Variants in DOCK4 observed in about 807,000 individuals in gnomAD.
The protein encoded by DOCK4 is dedicator of cytokinesis protein 4.
In DOCK4, 97 loss-of-function variants were observed where a neutral mutation model predicts 268.1. The ratio of observed to expected loss-of-function variants is 0.36; its 90% CI spans 0.31 to 0.43. DOCK4 has a LOEUF of 0.43. Ranked by LOEUF, DOCK4 falls within the 20% of genes least tolerant of loss-of-function variation. The probability of loss-of-function intolerance (pLI) is 1.00; values close to 1 mark genes in which losing one functional copy is unlikely to be tolerated. For missense variants in DOCK4, 2,145 were observed against 2,455.7 expected (o/e 0.87, Z 2.67); for synonymous variants, 954 against 887.2 (o/e 1.08, Z -1.34).
chr7:111,794,622 C>A (rs775315105), intron 30 of DOCK4, among the ~76,000 whole-genome samples: 1 of 149,492 alleles, frequency 6.7e-6, no homozygotes, highest in South Asian at 2.1e-4. Flanking sequence ...TTAATAACAT[C>A]TGTTACTTGT....
At chr7:111,765,331 G>A (rs907849612) in intron 38 of DOCK4, 109 bp from the exon 39 acceptor site, 28 of 714,780 alleles carry the variant, frequency 3.9e-5, no homozygotes, top group Non-Finnish European at 5.9e-5. Flanking sequence ...TTTTAATTGA[G>A]TTTGCTGGAA....
chr7:111,974,916 A>G (rs1227033092), intron 8 of DOCK4, among the ~76,000 whole-genome samples: 2 of 152,240 alleles, frequency 1.3e-5, no homozygotes, highest in Non-Finnish European at 2.9e-5. Context: ...CCAAATTAGT[A>G]CAATCCTATG....
intron 1 of DOCK4, among the ~76,000 whole-genome samples, chr7:112,204,622 A>G (rs1821216299): frequency 6.6e-6 from 1 of 152,030 alleles, no homozygotes; most frequent in Admixed American, 6.5e-5. Context: ...AGGTCAAACT[A>G]TTGTCTTGGT....
intron 1 of DOCK4, among the ~76,000 whole-genome samples, chr7:112,056,369 A>G (rs577654643): frequency 6.6e-6 from 1 of 152,300 alleles, no homozygotes; most frequent in Admixed American, 6.5e-5. Context: ...AATATGCTAA[A>G]TGTACTATAC....
At chr7:112,199,122 C>A (rs1355624661) in intron 1 of DOCK4, among the ~76,000 whole-genome samples, 1 of 152,164 alleles carries the variant, frequency 6.6e-6, no homozygotes, top group Admixed American at 6.5e-5. Flanking sequence ...CTATGCAAGA[C>A]AATTTAGGTT....
At chr7:111,868,767 T>C (rs1231275199) in intron 21 of DOCK4, among the ~76,000 whole-genome samples, 4 of 152,268 alleles carry the variant, frequency 2.6e-5, no homozygotes, top group South Asian at 4.1e-4. Flanking sequence ...GAACACTAAG[T>C]GTTTTTGACC....
intron 1 of DOCK4, among the ~76,000 whole-genome samples, chr7:112,006,368 C>G (rs1361207693): frequency 6.6e-6 from 1 of 152,160 alleles, no homozygotes; most frequent in African/African-American, 2.4e-5. Context: ...ATTGAGAATA[C>G]TATTTTAAGA....
At position 112,026,404 on chromosome 7, in the gene DOCK4, C is replaced by G. The variant is rs992530233; in HGVS notation, c.38-22273G>C. 1.3e-5 allele frequency among the ~76,000 whole-genome samples: 2 copies of G among 152,278 alleles called. 1 individual carries two copies. The highest frequency in any genetic ancestry group is 4.8e-5 in the African/African-American group (2 of 41,564). ...AACAGTTCATCCTGAAACATCCCCC[C>G]CACTCACCCTTGTCTGTGGAAAAAT... On this transcript the variant is annotated intron_variant, in intron 1 of 52. Coordinates refer to ENST00000428084, the MANE Select transcript of DOCK4 (RefSeq NM_001363540.2).
chr7:111,970,230 G>C (rs1304475570), intron 8 of DOCK4, among the ~76,000 whole-genome samples: 1 of 151,924 alleles, frequency 6.6e-6, no homozygotes, highest in African/African-American at 2.4e-5. Flanking sequence ...GTGTAGAGCA[G>C]TGATTTAGAA....
intron 8 of DOCK4, among the ~76,000 whole-genome samples, chr7:111,961,195 A>G (rs1433790399): frequency 6.6e-6 from 1 of 152,176 alleles, no homozygotes; most frequent in Non-Finnish European, 1.5e-5. Context: ...AAAAAAGATC[A>G]AGGCCACAAA....
At chr7:112,183,694 G>C (rs1819246195) in intron 1 of DOCK4, among the ~76,000 whole-genome samples, 1 of 152,158 alleles carries the variant, frequency 6.6e-6, no homozygotes, top group Admixed American at 6.5e-5. Context: ...CTGGGAGTGG[G>C]GGTGAGGGTT....
chr7:111,791,387 T>A (rs1799535292), intron 30 of DOCK4, among the ~76,000 whole-genome samples: 1 of 151,580 alleles, frequency 6.6e-6, no homozygotes, highest in African/African-American at 2.4e-5. Context: ...GTGATTTTTT[T>A]ATATGAAAAA....
At chr7:111,954,872 C>T (rs1019712803) in intron 8 of DOCK4, among the ~76,000 whole-genome samples, 1 of 152,128 alleles carries the variant, frequency 6.6e-6, no homozygotes, top group Non-Finnish European at 1.5e-5. Flanking sequence ...TCGCACCAAC[C>T]TGATTGTGTA....
intron 8 of DOCK4, among the ~76,000 whole-genome samples, chr7:111,947,607 G>A (rs930138769): frequency 6.6e-6 from 1 of 151,976 alleles, no homozygotes. Flanking sequence ...CTATACTGAG[G>A]GTGCAGAGAT....
chr7:111,759,880 T>A (rs6950977), intron 40 of DOCK4, among the ~76,000 whole-genome samples: 144,230 of 152,048 alleles, frequency 0.95, 68,491 homozygotes, highest in East Asian at 0.98. Flanking sequence ...TCAAAGGAAG[T>A]TTATTCTAAA....
chr7:111,901,577 TTAACTGATCGTAAATCAGAAAA>T (rs1425895214), intron 14 of DOCK4, 78 bp downstream of exon 14: 5 of 1,219,574 alleles, frequency 4.1e-6, no homozygotes, highest in Middle Eastern at 2.0e-4. Context: ...AAATCAGAAA[TTAACTGATCGTAAATCAGAAAA>T]TAACTGATCA....
intron 1 of DOCK4, among the ~76,000 whole-genome samples, chr7:112,013,708 A>G (rs1801557273): frequency 6.6e-6 from 1 of 152,220 alleles, no homozygotes; most frequent in Non-Finnish European, 1.5e-5. Context: ...TTGTATGAGC[A>G]ATAAAGCTTT....
At chr7:111,962,114 G>A (rs1796950024) in intron 8 of DOCK4, among the ~76,000 whole-genome samples, 1 of 152,120 alleles carries the variant, frequency 6.6e-6, no homozygotes, top group African/African-American at 2.4e-5. Flanking sequence ...CATTGCGGAA[G>A]TATTTTAAAG....
chr7:111,774,542 G>C (rs929474497), intron 36 of DOCK4, among the ~76,000 whole-genome samples: 3 of 152,042 alleles, frequency 2.0e-5, no homozygotes, highest in Admixed American at 6.6e-5. Flanking sequence ...TTAGCCTATG[G>C]GAGAAGGATT....
Sources: allele counts gnomAD v4.1 joint callset (sites outside exome capture counted in the v4.1 genomes callset), GRCh38; gene constraint gnomAD v4.1.1; transcripts MANE v1.5; gene names NCBI Gene and HGNC (gene_info 2026-07-23, HGNC 2026-07-21).